The following ACAP1 variants were observed in gnomAD, a reference collection of about 807,000 sequenced individuals.
ACAP1 encodes ArfGAP with coiled-coil, ankyrin repeat and PH domains 1, also known as arf-GAP with coiled-coil, ANK repeat and PH domain-containing protein 1.
A neutral mutation model predicts 98.8 loss-of-function variants in ACAP1; 45 were observed. That is an observed-to-expected ratio of 0.46 (90% CI 0.36 to 0.58). The LOEUF (loss-of-function observed/expected upper bound fraction) is 0.58, where lower values mean the gene tolerates loss of function less well. Among genes scored for constraint, ACAP1 ranks in the 20% least tolerant of loss-of-function variants. The pLI, the probability that ACAP1 is intolerant of heterozygous loss-of-function variation, is 0.00. For missense variants in ACAP1, 735 were observed against 971.4 expected (o/e 0.76, Z 3.24); for synonymous variants, 362 against 375.3 (o/e 0.96, Z 0.41).
In ACAP1 at chr17:7,336,675, A is replaced by G. The variant is rs1351555285; in HGVS notation, c.-60A>G. On this transcript the variant is annotated 5_prime_UTR_variant, in exon 1 of 22. Coordinates refer to ENST00000158762, the MANE Select transcript of ACAP1 (RefSeq NM_014716.4). ...CCTTCCTGGGACAGAAAGTGCCTCC[A>G]CCTGCATCCCCAGGGGCCCGGCCTC... is the stretch of plus-strand genomic sequence containing the variant. 4 of 1,590,564 alleles carry G rather than the reference A, an allele frequency of 2.5e-6. No homozygotes were observed. Among genetic ancestry groups the G allele is most frequent in the Non-Finnish European group, 3.4e-6 (4 of 1,159,986 alleles).
chr17:7,339,764 T>A (rs2073257836), intron 2 of ACAP1, among the ~76,000 whole-genome samples: 1 of 152,212 alleles, frequency 6.6e-6, no homozygotes, highest in Admixed American at 6.5e-5. Flanking sequence ...GTGTATGGAT[T>A]CCTTTAACCA....
Position 7,349,995 on chromosome 17 carries a change from C to G in ACAP1, c.1902C>G (p.Asn634Lys), listed in dbSNP as rs1303894268. The G allele has an allele frequency of 6.2e-7, 1 of 1,613,576 alleles. No individual in the cohort carries two copies. The highest frequency in any genetic ancestry group is 8.5e-7 in the Non-Finnish European group (1 of 1,179,552). ...TCCTCCAGAACGGGGCGAACGTGAA[C>G]CAAGCGGACAGTGCGGGCCGGGGCC... ...EFLLQNGANV[N>K]QADSAGRGPL... The change falls in exon 19 of 22, where the codon AAC (asparagine) becomes AAG (lysine). Residue 634 changes from asparagine to lysine, a missense_variant. Asn to Lys is a moderately conservative substitution (Grantham distance 94). Around this residue, in one of 5 missense-constraint regions of ACAP1, gnomAD observed 142 missense variants for 224.1 expected, o/e 0.63. Coordinates refer to ENST00000158762, the MANE Select transcript of ACAP1 (RefSeq NM_014716.4).
At chr17:7,348,856 T>G in intron 17 of ACAP1, 139 bp from the exon 18 acceptor site, 2 of 786,934 alleles carry the variant, frequency 2.5e-6, no homozygotes, top group Non-Finnish European at 2.0e-6. Context: ...CACACTTGCA[T>G]CACTCTATTC....
intron 18 of ACAP1, chr17:7,349,718 G>A: frequency 2.1e-6 from 1 of 480,624 alleles, no homozygotes; most frequent in Non-Finnish European, 3.7e-6. Context: ...AGCCTCATCT[G>A]TAAAATAGTA....
rs533655465 is a variant in ACAP1 at position 7,342,663 on chromosome 17, G to A, written c.344+189G>A. 8.5e-5 allele frequency: 57 copies of A among 667,690 alleles called. 2 individuals are homozygous for A. In the South Asian group the frequency reaches 1.0e-3, roughly 12 times the overall value. The allele number at this position is 667,690 out of a possible 1,614,324, so 41.4% of individuals were successfully genotyped here. ...GCCTATGATCCCGGCATTTTGGGAG[G>A]CCAAGGCGGGCGGATCACCTGAGGT... On this transcript the variant is annotated intron_variant, in intron 5 of 21. Coordinates refer to ENST00000158762, the MANE Select transcript of ACAP1 (RefSeq NM_014716.4).
chr17:7,351,190 C>T, intron 21 of ACAP1, 105 bp from the exon 22 acceptor site: 2 of 1,159,708 alleles, frequency 1.7e-6, no homozygotes, highest in South Asian at 1.4e-5. Context: ...GCGCACGTTC[C>T]CACCCAGGCT....
chr17:7,343,805 G>C lies in ACAP1; in HGVS notation c.573+55G>C, dbSNP rs1050277191. 5 of 1,613,572 alleles carry C rather than the reference G, an allele frequency of 3.1e-6. No individual in the cohort carries two copies. The highest frequency in any genetic ancestry group is 4.5e-5 in the East Asian group (2 of 44,894). Reference sequence around the variant, plus strand: ...GGAGAAGAGCCTGCTGCCAGCACAAGGGAATGGGGAGAGGGGTTCTTCCTC... The same window carrying C: ...GGAGAAGAGCCTGCTGCCAGCACAACGGAATGGGGAGAGGGGTTCTTCCTC... On this transcript the variant is annotated intron_variant, in intron 7 of 21. Transcript: ENST00000158762. The surrounding 1 kb of genome is among the most constrained non-coding windows in gnomAD (Gnocchi z 4.9).
In ACAP1 at chr17:7,350,552, G is replaced by C. The variant is rs1271809555; in HGVS notation, c.2072+315G>C. 2.2e-6 allele frequency: 1 copy of C among 464,968 alleles called. No homozygotes were observed. Among genetic ancestry groups the C allele is most frequent in the East Asian group, 4.1e-5 (1 of 24,680 alleles). The allele number at this position is 464,968 out of a possible 1,614,324, so 28.8% of individuals were successfully genotyped here. A position where few individuals can be genotyped will look rare whatever the true frequency, so the allele number is the denominator to read the frequency against. On this transcript the variant is annotated intron_variant, in intron 20 of 21. Coordinates refer to ENST00000158762, the MANE Select transcript of ACAP1 (RefSeq NM_014716.4). The surrounding 1 kb of genome is among the most constrained non-coding windows in gnomAD (Gnocchi z 4.6). ...AGACGTGACCCCGGGGGTGGGGGCA[G>C]ATGAACGGAACGCAACCCAGCTCAA...
chr17:7,338,689 C>T (rs1008532030), intron 2 of ACAP1, among the ~76,000 whole-genome samples: 6 of 151,968 alleles, frequency 3.9e-5, no homozygotes, highest in African/African-American at 1.2e-4. Flanking sequence ...CAGGCACATG[C>T]CACCACGCCT....
chr17:7,347,669 G>A (rs1222616328), intron 14 of ACAP1: 13 of 580,800 alleles, frequency 2.2e-5, no homozygotes, highest in Non-Finnish European at 3.4e-5. Context: ...ACTAGAGAAG[G>A]GAGGTGGCTG....
At chr17:7,345,969 T>C in intron 10 of ACAP1, 1 of 411,950 alleles carries the variant, frequency 2.4e-6, no homozygotes, top group Non-Finnish European at 4.5e-6. Flanking sequence ...TTTTAAATTG[T>C]AGCAATAGAC....
chr17:7,348,936 G>C, intron 17 of ACAP1, 59 bp from the exon 18 acceptor site: 1 of 1,517,402 alleles, frequency 6.6e-7, no homozygotes, highest in South Asian at 1.2e-5. Flanking sequence ...ACACTGCTGA[G>C]GGTTTTCTTC....
intron 14 of ACAP1, 180 bp downstream of exon 14, chr17:7,347,422 C>T (rs904817003): frequency 1.8e-5 from 11 of 617,256 alleles, no homozygotes; most frequent in African/African-American, 1.3e-4. Flanking sequence ...TGGACCCAGG[C>T]GGGCCTAGCC....
In ACAP1 at chr17:7,350,856, T is replaced by C. The variant is rs1222916135; in HGVS notation, c.2073-94T>C. ...CGATCTCCTGACCTCGTGATCCGCC[T>C]GCCTCGGCCTCCCAAAGTGTTGGGA... On this transcript the variant is annotated intron_variant, in intron 20 of 21. Transcript: ENST00000158762. The surrounding 1 kb of genome is among the most constrained non-coding windows in gnomAD (Gnocchi z 4.6). 2 of 1,240,960 alleles carry C rather than the reference T, an allele frequency of 1.6e-6. No individual in the cohort carries two copies. The highest frequency in any genetic ancestry group is 1.5e-5 in the African/African-American group (1 of 67,466). The allele number at this position is 1,240,960 out of a possible 1,614,324, so 76.9% of individuals were successfully genotyped here. A position where few individuals can be genotyped will look rare whatever the true frequency, so the allele number is the denominator to read the frequency against.
At chr17:7,346,759 C>A in intron 12 of ACAP1, 49 bp from the exon 13 acceptor site, 1 of 1,568,254 alleles carries the variant, frequency 6.4e-7, no homozygotes, top group South Asian at 1.2e-5. Context: ...TGCCACTTTG[C>A]TTCCCAGGCC....
At position 7,343,405 on chromosome 17, in the gene ACAP1, G is replaced by A. The variant is rs757926725; in HGVS notation, c.371G>A (p.Arg124His). ...KEGLRGFREA[R>H]RDFWRGAESL... is the part of the protein sequence containing the mutation. The stretch of plus-strand genomic sequence containing the variant: ...GGTCTGCGGGGTTTCCGAGAGGCTC[G>A]CCGGGATTTCTGGCGGGGGGCTGAG... The change falls in exon 6 of 22, where the codon CGC (arginine) becomes CAC (histidine). Residue 124 changes from arginine (R) to histidine (H), a missense_variant. Coordinates refer to ENST00000158762, the MANE Select transcript of ACAP1 (RefSeq NM_014716.4). The surrounding 1 kb of genome is among the most constrained non-coding windows in gnomAD (Gnocchi z 4.9). 1.2e-5 allele frequency: 19 copies of A among 1,613,104 alleles called. No homozygotes were observed. In the African/African-American group the frequency reaches 1.6e-4, roughly 14 times the overall value.
rs775629170 is a variant in ACAP1 at position 7,350,974 on chromosome 17, G to A, written c.2097G>A (p.Glu699=). 7.4e-5 allele frequency: 120 copies of A among 1,614,048 alleles called. No individual in the cohort carries two copies. Among genetic ancestry groups the A allele is most frequent in the Non-Finnish European group, 9.2e-5 (108 of 1,180,016 alleles). Residue 699 remains glutamate (E), a synonymous_variant, in exon 21 of 22, where the codon GAG becomes GAA. Coordinates refer to ENST00000158762, the MANE Select transcript of ACAP1 (RefSeq NM_014716.4). This position sits in a 1 kb window ranked among gnomAD's most constrained non-coding sequence, Gnocchi z 4.6. ...VTLLRLAKMR[E]AEAAQGQAGD... ...GGCTACGACTGGCAAAGATGAGGGAGGCTGAAGCGGCCCAGGGGCAGGCAG... is the reference window on the plus strand; with the variant it reads ...GGCTACGACTGGCAAAGATGAGGGAAGCTGAAGCGGCCCAGGGGCAGGCAG...
At position 7,343,957 on chromosome 17, in the gene ACAP1, G is replaced by C; in HGVS notation, c.669+1G>C. 1 of 1,586,412 alleles carries C rather than the reference G, an allele frequency of 6.3e-7. No homozygotes were observed. Among genetic ancestry groups the C allele is most frequent in the Non-Finnish European group, 8.6e-7 (1 of 1,165,740 alleles). ...GTATCGAAAGGAGCTGGGCGCCCAG[G>C]TGGGGCCCCAGGGCACAGCAGGTGG... On this transcript the variant is annotated splice_donor_variant, in intron 8 of 21. Transcript: ENST00000158762. LOFTEE classifies it high-confidence loss of function. The surrounding 1 kb of genome is among the most constrained non-coding windows in gnomAD (Gnocchi z 4.9).
At chr17:7,346,105 C>T in intron 10 of ACAP1, 139 bp from the exon 11 acceptor site, 1 of 787,370 alleles carries the variant, frequency 1.3e-6, no homozygotes, top group Non-Finnish European at 2.2e-6. Context: ...ATTGTCCACC[C>T]TTCTCTGGAA....
Sources: allele counts gnomAD v4.1 joint callset (sites outside exome capture counted in the v4.1 genomes callset), GRCh38; gene constraint gnomAD v4.1.1; regional missense constraint gnomAD v4.1.1; non-coding constraint Gnocchi (gnomAD v3.1); transcripts MANE v1.5; gene names NCBI Gene and HGNC (gene_info 2026-07-23, HGNC 2026-07-21).